The following TEK variants were observed in gnomAD, a reference collection of about 807,000 sequenced individuals.
The protein encoded by TEK is angiopoietin-1 receptor.
TEK carries 43 observed loss-of-function variants against 131.8 expected under a neutral mutation model. The ratio of observed to expected loss-of-function variants is 0.33; its 90% CI spans 0.26 to 0.42. TEK has a LOEUF of 0.42. Among genes scored for constraint, TEK ranks in the 10% least tolerant of loss-of-function variants. The pLI is 1.00. For missense variants in TEK, 1,162 were observed against 1,384.4 expected (o/e 0.84, Z 2.55); for synonymous variants, 580 against 491.6 (o/e 1.18, Z -2.38).
At chr9:27,138,816 T>C (rs1247189335) in intron 1 of TEK, among the ~76,000 whole-genome samples, 1 of 152,148 alleles carries the variant, frequency 6.6e-6, no homozygotes, top group Non-Finnish European at 1.5e-5. Flanking sequence ...GAATTGAGTA[T>C]GTGTGAATTT....
At chr9:27,111,729 T>C (rs1821355236) in intron 1 of TEK, among the ~76,000 whole-genome samples, 1 of 15,460 alleles carries the variant, frequency 6.5e-5, no homozygotes, top group Non-Finnish European at 4.3e-3. Flanking sequence ...TATTAGCTTT[T>C]CCCTACTCTT....
At chr9:27,117,188 G>T (rs972783919) in intron 1 of TEK, among the ~76,000 whole-genome samples, 1 of 152,118 alleles carries the variant, frequency 6.6e-6, no homozygotes, top group Non-Finnish European at 1.5e-5. Context: ...TAAGAAGACA[G>T]TAAGATGGGG....
At chr9:27,151,972 A>G (rs969766297) in intron 1 of TEK, among the ~76,000 whole-genome samples, 5 of 152,216 alleles carry the variant, frequency 3.3e-5, no homozygotes, top group African/African-American at 1.2e-4. Flanking sequence ...CACGGCCTTA[A>G]TTCCAGAAAT....
intron 11 of TEK, among the ~76,000 whole-genome samples, chr9:27,194,563 T>C (rs1392520526): frequency 6.6e-6 from 1 of 152,156 alleles, no homozygotes; most frequent in Non-Finnish European, 1.5e-5. Flanking sequence ...AAATGGTAGT[T>C]AATTCTCTCT....
intron 2 of TEK, among the ~76,000 whole-genome samples, chr9:27,165,515 C>T (rs1823696414): frequency 1.3e-5 from 2 of 152,120 alleles, no homozygotes; most frequent in Non-Finnish European, 2.9e-5. Flanking sequence ...AGAAAAGTGT[C>T]CCTCATGCTC....
chr9:27,163,420 G>T (rs1823616011), intron 2 of TEK, among the ~76,000 whole-genome samples: 1 of 152,194 alleles, frequency 6.6e-6, no homozygotes, highest in South Asian at 2.1e-4. Flanking sequence ...TCCAGGTGTT[G>T]TGTGAGGTCT....
chr9:27,184,880 T>TA (rs1212039641), intron 8 of TEK, among the ~76,000 whole-genome samples: 1 of 151,532 alleles, frequency 6.6e-6, no homozygotes, highest in Non-Finnish European at 1.5e-5. Flanking sequence ...TCTTAAAAAA[T>TA]AAAAAAAGAA....
At chr9:27,219,912 A>C (rs567267820) in intron 20 of TEK, 137 bp from the exon 21 acceptor site, 16 of 857,510 alleles carry the variant, frequency 1.9e-5, no homozygotes, top group African/African-American at 1.3e-4. Context: ...TGAGTTTGCC[A>C]AGGGAGGCAT....
intron 1 of TEK, among the ~76,000 whole-genome samples, chr9:27,111,345 C>T (rs1821337865): frequency 6.6e-6 from 1 of 152,158 alleles, no homozygotes; most frequent in Non-Finnish European, 1.5e-5. Context: ...CCTCCATGAG[C>T]ATGACTGCTC....
intron 1 of TEK, among the ~76,000 whole-genome samples, chr9:27,148,501 G>A (rs771732339): frequency 6.6e-6 from 1 of 152,182 alleles, no homozygotes; most frequent in East Asian, 1.9e-4. Context: ...TAGTCTTGGC[G>A]TCTCCTCATG....
intron 1 of TEK, among the ~76,000 whole-genome samples, chr9:27,125,187 C>T (rs1264131592): frequency 6.6e-6 from 1 of 152,240 alleles, no homozygotes; most frequent in Non-Finnish European, 1.5e-5. Context: ...AAACACACAA[C>T]AGCTGCAGAA....
intron 1 of TEK, among the ~76,000 whole-genome samples, chr9:27,137,537 T>A (rs1026449706): frequency 2.0e-5 from 3 of 151,150 alleles, no homozygotes; most frequent in African/African-American, 4.9e-5. Flanking sequence ...CCCTATGGAT[T>A]TTTGGTGAGA....
Position 27,229,392 on chromosome 9 carries a change from A to G in TEK, c.*160A>G. 2 of 727,700 alleles carry G rather than the reference A, an allele frequency of 2.7e-6. No individual in the cohort carries two copies. Among genetic ancestry groups the G allele is most frequent in the East Asian group, 2.6e-5 (1 of 38,306 alleles). The allele number at this position is 727,700 out of a possible 1,614,324, so 45.1% of individuals were successfully genotyped here. A position where few individuals can be genotyped will look rare whatever the true frequency, so the allele number is the denominator to read the frequency against. On this transcript the variant is annotated 3_prime_UTR_variant, in exon 23 of 23. Coordinates refer to ENST00000380036, the MANE Select transcript of TEK (RefSeq NM_000459.5). ...CACTGTAGATCCCATGCATGGATCT[A>G]TGTAGTATGCTCTGACTCTAATAGG...
At chr9:27,225,843 C>G (rs1311512048) in intron 21 of TEK, among the ~76,000 whole-genome samples, 1 of 152,126 alleles carries the variant, frequency 6.6e-6, no homozygotes, top group Non-Finnish European at 1.5e-5. Context: ...ATCCTTCTGA[C>G]AAAGGGCTAA....
intron 7 of TEK, 74 bp downstream of exon 7, chr9:27,180,442 T>C: frequency 6.4e-7 from 1 of 1,560,460 alleles, no homozygotes; most frequent in Non-Finnish European, 8.7e-7. Context: ...GTAATTCTTG[T>C]GCCGGCATTC....
chr9:27,222,918 A>ATTTT, intron 21 of TEK, among the ~76,000 whole-genome samples: 2 of 152,168 alleles, frequency 1.3e-5, no homozygotes, highest in African/African-American at 4.8e-5. Flanking sequence ...ATAAAGGGAC[A>ATTTT]GAGGCATATT....
At chr9:27,215,217 G>C (rs1487697245) in intron 18 of TEK, among the ~76,000 whole-genome samples, 1 of 152,126 alleles carries the variant, frequency 6.6e-6, no homozygotes, top group Non-Finnish European at 1.5e-5. Context: ...GTTATTTACA[G>C]GGGGAGAGCA....
intron 1 of TEK, among the ~76,000 whole-genome samples, chr9:27,149,034 C>A (rs1339077417): frequency 3.9e-5 from 6 of 152,000 alleles, no homozygotes; most frequent in South Asian, 2.1e-4. Flanking sequence ...TTTCTTGACC[C>A]ACAGAAAGCA....
intron 1 of TEK, among the ~76,000 whole-genome samples, chr9:27,122,597 T>G (rs1202880586): frequency 6.6e-6 from 1 of 152,052 alleles, no homozygotes; most frequent in East Asian, 1.9e-4. Flanking sequence ...CTTTAGGGTA[T>G]AGGATGAAGC....
Sources: allele counts gnomAD v4.1 joint callset (sites outside exome capture counted in the v4.1 genomes callset), GRCh38; gene constraint gnomAD v4.1.1; transcripts MANE v1.5; gene names NCBI Gene and HGNC (gene_info 2026-07-23, HGNC 2026-07-21).